Variants in OR51B5 observed in about 807,000 individuals in gnomAD.
OR51B5 encodes the protein olfactory receptor 51B5.
For missense variants in OR51B5, 456 were observed against 374.6 expected, an observed-to-expected ratio of 1.22 and a Z score of -1.79; for synonymous variants, 186 against 144.8, an observed-to-expected ratio of 1.28 and a Z score of -2.04.
chr11:5,372,422 C>G (rs1277664487), intron 1 of OR51B5, among the ~76,000 whole-genome samples: 1 of 152,180 alleles, frequency 6.6e-6, no homozygotes, highest in Non-Finnish European at 1.5e-5. Flanking sequence ...CACAGCCTCT[C>G]CAACCCCTAT....
At position 5,501,045 on chromosome 11, in the gene OR51B5, A is replaced by T. The variant is rs1481826993; in HGVS notation, n.84+4524T>A. On this transcript the variant is annotated intron_variant and non_coding_transcript_variant, in intron 1 of 4. Transcript: ENST00000415970. ...CATAAATACCTGTTGGAGATTCCAT[A>T]GTTTGGGCAGCCCTGAGTTTGGGGA... 6.1e-5 allele frequency among the ~76,000 whole-genome samples: 9 copies of T among 148,174 alleles called. 2 individuals are homozygous for T. The highest frequency in any genetic ancestry group is 2.2e-4 in the African/African-American group (9 of 41,190).
intron 1 of OR51B5, among the ~76,000 whole-genome samples, chr11:5,444,068 CT>C (rs1359525537): frequency 6.6e-6 from 1 of 152,136 alleles, no homozygotes; most frequent in Non-Finnish European, 1.5e-5. Flanking sequence ...CAAATATTCT[CT>C]TATTTTTAAG....
chr11:5,363,468 C>G (rs895036869), intron 1 of OR51B5, among the ~76,000 whole-genome samples: 6 of 147,994 alleles, frequency 4.1e-5, no homozygotes, highest in Non-Finnish European at 9.0e-5. Context: ...CTCTCTCTCT[C>G]ACACAAAAGC....
At chr11:5,430,558 T>C in intron 1 of OR51B5, 1 of 368,410 alleles carries the variant, frequency 2.7e-6, no homozygotes, top group South Asian at 2.0e-5. Context: ...TTGTTCCTAT[T>C]CCTCCTCAAA....
intron 1 of OR51B5, among the ~76,000 whole-genome samples, chr11:5,402,040 C>T (rs1004071900): frequency 1.3e-5 from 2 of 149,654 alleles, no homozygotes; most frequent in African/African-American, 4.9e-5. Flanking sequence ...TTTCTTTTGT[C>T]TCATGCTGTT....
chr11:5,416,817 A>G (rs1850251907), intron 1 of OR51B5, among the ~76,000 whole-genome samples: 1 of 151,806 alleles, frequency 6.6e-6, no homozygotes, highest in African/African-American at 2.4e-5. Context: ...GCTCATGGGT[A>G]GGAAGAATCA....
intron 1 of OR51B5, among the ~76,000 whole-genome samples, chr11:5,365,371 G>A (rs80223253): frequency 2.6e-5 from 4 of 152,062 alleles, no homozygotes; most frequent in African/African-American, 7.3e-5. Context: ...GGCTGGTCCC[G>A]GCATGGCAAC....
At chr11:5,342,403 G>A, downstream of OR51B5, 1 of 281,974 alleles carries the variant, frequency 3.5e-6, no homozygotes, top group Non-Finnish European at 5.3e-6. Flanking sequence ...ACAAAAATTT[G>A]TACAAACTAC....
At chr11:5,458,356 A>T (rs1603777) in intron 1 of OR51B5, among the ~76,000 whole-genome samples, 101,822 of 152,086 alleles carry the variant, frequency 0.67, 34,355 homozygotes, top group African/African-American at 0.69. Flanking sequence ...CTTTGCTTAC[A>T]GTAGCCTTAT....
chr11:5,422,960 T>C lies in OR51B5; in HGVS notation n.85-76050A>G, dbSNP rs760156684. The C allele has an allele frequency of 5.1e-5, 83 of 1,613,986 alleles. No individual in the cohort carries two copies. The East Asian group carries it at 1.3e-3, about 25-fold the overall frequency. ...CCACATTCTAGCTGTCCTGGTCCTC[T>C]ACATTCCCATGGTTGGTGTATCTAT... On this transcript the variant is annotated intron_variant and non_coding_transcript_variant, in intron 1 of 4. Transcript: ENST00000415970.
rs761907760 is a variant in OR51B5 at position 5,430,839 on chromosome 11, C to T, written n.84+74730G>A. 3.3e-5 allele frequency: 15 copies of T among 457,364 alleles called. 1 individual carries two copies. Among genetic ancestry groups the T allele is most frequent in the South Asian group, 2.3e-4 (15 of 64,568 alleles). 28.3% of individuals were successfully genotyped at this position (457,364 alleles called of 1,614,324 possible). ...GCATCACAGACACCCCAATCATGGG[C>T]ACATAATATATAAGCACTGCACAAA... On this transcript the variant is annotated intron_variant and non_coding_transcript_variant, in intron 1 of 4. Transcript: ENST00000415970.
At chr11:5,342,345 A>G (rs944779357), downstream of OR51B5, among the ~76,000 whole-genome samples, 30 of 152,244 alleles carry the variant, frequency 2.0e-4, no homozygotes, top group African/African-American at 7.2e-4. Context: ...TTGTTATCAC[A>G]ATAATTTAGT....
chr11:5,441,069 C>T, intron 1 of OR51B5: 1 of 1,613,930 alleles, frequency 6.2e-7, no homozygotes, highest in Non-Finnish European at 8.5e-7. Flanking sequence ...GGTAAGGATG[C>T]CCAGACCCAT....
intron 1 of OR51B5, among the ~76,000 whole-genome samples, chr11:5,502,973 T>C (rs543273964): frequency 7.2e-5 from 11 of 152,322 alleles, no homozygotes; most frequent in African/African-American, 2.4e-4. Context: ...TTTATTGAAC[T>C]GTGAGTGTCA....
intron 1 of OR51B5, among the ~76,000 whole-genome samples, chr11:5,348,628 AT>A (rs1211027375): frequency 6.6e-6 from 1 of 152,072 alleles, no homozygotes; most frequent in Non-Finnish European, 1.5e-5. Flanking sequence ...AAAGGTTTAT[AT>A]TGTGTAACAG....
chr11:5,433,841 A>T (rs924470411), intron 1 of OR51B5, among the ~76,000 whole-genome samples: 12 of 151,246 alleles, frequency 7.9e-5, no homozygotes, highest in Non-Finnish European at 1.5e-4. Context: ...CTAAAAATGA[A>T]AAAAAAAAGA....
chr11:5,490,081 T>C (rs1231563243), intron 1 of OR51B5, among the ~76,000 whole-genome samples: 5 of 152,190 alleles, frequency 3.3e-5, no homozygotes, highest in Non-Finnish European at 7.3e-5. Flanking sequence ...AAGCACAAAG[T>C]ATAAAGTCAG....
intron 1 of OR51B5, chr11:5,489,383 A>G: frequency 6.2e-7 from 1 of 1,613,876 alleles, no homozygotes; most frequent in Non-Finnish European, 8.5e-7. Context: ...TTTATCCTCC[A>G]TGCAGTCTTT....
chr11:5,450,763 G>A (rs1436430262), intron 1 of OR51B5, among the ~76,000 whole-genome samples: 1 of 152,148 alleles, frequency 6.6e-6, no homozygotes, highest in African/African-American at 2.4e-5. Flanking sequence ...CGAAGACCTT[G>A]GTAAGAGAGA....
Sources: allele counts gnomAD v4.1 joint callset (sites outside exome capture counted in the v4.1 genomes callset), GRCh38; gene constraint gnomAD v4.1.1; transcripts MANE v1.5; gene names NCBI Gene and HGNC (gene_info 2026-07-23, HGNC 2026-07-21).